SMG6: variants seen among roughly 807,000 people sequenced by gnomAD.
The protein encoded by SMG6 is telomerase-binding protein EST1A.
In SMG6, 66 loss-of-function variants were observed where a neutral mutation model predicts 142.2. That is an observed-to-expected ratio of 0.46 (90% CI 0.38 to 0.57). The LOEUF is 0.57. SMG6 is among the 20% of genes least tolerant of loss of function. SMG6 has a pLI of 0.00. For missense variants in SMG6, 1,793 were observed against 1,832.0 expected, an observed-to-expected ratio of 0.98 and a Z score of 0.39; for synonymous variants, 779 against 702.4, an observed-to-expected ratio of 1.11 and a Z score of -1.72.
chr17:2,226,805 G>A (rs1199011257), intron 10 of SMG6, among the ~76,000 whole-genome samples: 3 of 151,916 alleles, frequency 2.0e-5, no homozygotes, highest in East Asian at 3.9e-4. Flanking sequence ...GCTGAGGCAC[G>A]AGAATTGTTT....
At chr17:2,112,279 T>C (rs922888036) in intron 13 of SMG6, among the ~76,000 whole-genome samples, 8 of 147,694 alleles carry the variant, frequency 5.4e-5, no homozygotes, top group Admixed American at 2.0e-4. Context: ...CTGAGGCGGG[T>C]GGATCACGAG....
intron 13 of SMG6, among the ~76,000 whole-genome samples, chr17:2,171,356 A>AGTGT (rs10601842): frequency 0.026 from 3,932 of 149,462 alleles, 60 homozygotes; most frequent in Middle Eastern, 0.035. Flanking sequence ...AAAATGAAAG[A>AGTGT]GTGTGTGTGT....
Position 2,236,568 on chromosome 17 carries a change from G to A in SMG6, c.2793C>T (p.Pro931=), listed in dbSNP as rs200609536. ...GCATGCGGGTACTTCCAATGGGAGAGGGGCTGTGCTGCAGTAACACCTGGA... is the reference window on the plus strand; with the variant it reads ...GCATGCGGGTACTTCCAATGGGAGAAGGGCTGTGCTGCAGTAACACCTGGA... The part of the protein sequence containing the change: ...KEFQVLLQHS[P]SPIGSTRMLQ... Residue 931 remains proline (P), a synonymous_variant, in exon 10 of 19, where the codon CCC becomes CCT. Transcript: ENST00000263073. 1.2e-6 allele frequency: 2 copies of A among 1,613,746 alleles called. No homozygotes were observed. Among genetic ancestry groups the A allele is most frequent in the Non-Finnish European group, 8.5e-7 (1 of 1,179,888 alleles).
chr17:2,117,280 T>A, intron 13 of SMG6, among the ~76,000 whole-genome samples: 1 of 151,792 alleles, frequency 6.6e-6, no homozygotes, highest in East Asian at 1.9e-4. Flanking sequence ...CACCATTTCC[T>A]TTCAACTCAC....
At chr17:2,258,777 T>C (rs984448002) in intron 8 of SMG6, among the ~76,000 whole-genome samples, 8 of 139,964 alleles carry the variant, frequency 5.7e-5, no homozygotes, top group African/African-American at 2.2e-4. Flanking sequence ...CCAGCCTCAG[T>C]GACAGAGCAA....
rs61451940 is a variant in SMG6, at chr17:2,145,643, C to CAAAAAAAAA, written c.3357+27006_3357+27014dup. 5.5e-4 allele frequency among the ~76,000 whole-genome samples: 13 copies of CAAAAAAAAA among 23,772 alleles called. 1 individual carries two copies. Among genetic ancestry groups the CAAAAAAAAA allele is most frequent in the Admixed American group, 6.3e-4 (1 of 1,600 alleles). 15.6% of individuals were successfully genotyped at this position (23,772 alleles called of 152,430 possible). The stretch of plus-strand genomic sequence containing the variant: ...GTGACAGAGCAAGGCTCCATCTCCC[C>CAAAAAAAAA]AAAAAAAAAAAAAAAAAAAAAAAGC... On this transcript the variant is annotated intron_variant, in intron 13 of 18. Coordinates refer to ENST00000263073, the MANE Select transcript of SMG6 (RefSeq NM_017575.5).
At chr17:2,082,200 A>C in intron 14 of SMG6, 1 of 512,422 alleles carries the variant, frequency 2.0e-6, no homozygotes, top group Non-Finnish European at 3.5e-6. Context: ...GTTACACCAT[A>C]AGTCACTCGC....
chr17:2,183,727 C>A (rs1265148497), intron 12 of SMG6, among the ~76,000 whole-genome samples: 2 of 149,178 alleles, frequency 1.3e-5, no homozygotes, highest in South Asian at 2.1e-4. Context: ...TATGCTGATC[C>A]CTGATACAGG....
intron 10 of SMG6, among the ~76,000 whole-genome samples, chr17:2,195,089 A>G (rs1292380938): frequency 5.9e-5 from 9 of 152,188 alleles, no homozygotes; most frequent in Non-Finnish European, 1.0e-4. Context: ...AAGCCATTAG[A>G]TATTCGGCAC....
At chr17:2,230,500 T>C (rs1304699095) in intron 10 of SMG6, among the ~76,000 whole-genome samples, 2 of 152,054 alleles carry the variant, frequency 1.3e-5, no homozygotes, top group Admixed American at 6.6e-5. Flanking sequence ...TCAACTGATA[T>C]GATAAAAGGC....
At chr17:2,147,783 T>G (rs2070711958) in intron 13 of SMG6, among the ~76,000 whole-genome samples, 1 of 152,192 alleles carries the variant, frequency 6.6e-6, no homozygotes, top group Non-Finnish European at 1.5e-5. Flanking sequence ...GGATGGCTGT[T>G]ACTAAAAAAC....
rs1254375493 is a variant in SMG6 at position 2,071,733 on chromosome 17, C to A, written c.3682-2802G>T. Among the ~76,000 whole-genome samples, 1 of 87,006 alleles carries A rather than the reference C, an allele frequency of 1.1e-5. No homozygotes were observed. Among genetic ancestry groups the A allele is most frequent in the Non-Finnish European group, 2.3e-5 (1 of 43,588 alleles). The allele number at this position is 87,006 out of a possible 152,430, so 57.1% of individuals were successfully genotyped here. A position where few individuals can be genotyped will look rare whatever the true frequency, so the allele number is the denominator to read the frequency against. ...CTTTTCTCCTGGGGTACCGGTGGGC[C>A]TCTGGGCGGGGGGGGTCACACCTGG... On this transcript the variant is annotated intron_variant, in intron 15 of 18. Coordinates refer to ENST00000263073, the MANE Select transcript of SMG6 (RefSeq NM_017575.5). The surrounding 1 kb of genome is among the most constrained non-coding windows in gnomAD (Gnocchi z 5.6).
chr17:2,113,809 T>A (rs2063520995), intron 13 of SMG6, among the ~76,000 whole-genome samples: 1 of 152,108 alleles, frequency 6.6e-6, no homozygotes, highest in South Asian at 2.1e-4. Context: ...CACTAAATTA[T>A]CTCCTCCTGA....
intron 13 of SMG6, among the ~76,000 whole-genome samples, chr17:2,154,892 G>A (rs764026633): frequency 1.5e-4 from 23 of 151,980 alleles, no homozygotes; most frequent in Admixed American, 4.6e-4. Context: ...AAAAATTAGC[G>A]GGGTGTGGTA....
At chr17:2,152,307 T>G (rs899539854) in intron 13 of SMG6, among the ~76,000 whole-genome samples, 1 of 152,260 alleles carries the variant, frequency 6.6e-6, no homozygotes, top group African/African-American at 2.4e-5. Flanking sequence ...CACAACTTTC[T>G]GCTGACTAAG....
intron 13 of SMG6, among the ~76,000 whole-genome samples, chr17:2,109,270 CT>C (rs752516056): frequency 3.8e-4 from 56 of 147,286 alleles, no homozygotes; most frequent in Admixed American, 4.1e-4. Flanking sequence ...ATATGTCTCT[CT>C]TTTTTTTTTT....
intron 15 of SMG6, among the ~76,000 whole-genome samples, chr17:2,070,020 A>C (rs1174686156): frequency 6.6e-6 from 1 of 152,242 alleles, no homozygotes; most frequent in Non-Finnish European, 1.5e-5. Flanking sequence ...AACAAAAAGT[A>C]GACAAAAGAA....
chr17:2,168,682 G>A (rs2071412974), intron 13 of SMG6, among the ~76,000 whole-genome samples: 1 of 152,006 alleles, frequency 6.6e-6, no homozygotes, highest in South Asian at 2.1e-4. Context: ...CTTGAGCCTA[G>A]CCTGGGCAAG....
In SMG6 at chr17:2,299,515, G is replaced by T. The variant is rs201179202; in HGVS notation, c.1238C>A (p.Ala413Asp). Residue 413 changes from alanine to aspartate, a missense_variant, in exon 2 of 19, where the codon GCC becomes GAC. By Grantham distance (126) the Ala-to-Asp change is moderately radical. Transcript: ENST00000263073. The surrounding 1 kb of genome is among the most constrained non-coding windows in gnomAD (Gnocchi z 4.3). ...TGAATTGACAGATAGGGTGGTATGG[G>T]CAGGCAAAATCAGAATGCCACGACC... ...GRGRGILILP[A>D]HTTLSVNSAG... 1.1e-5 allele frequency: 17 copies of T among 1,614,158 alleles called. No individual in the cohort carries two copies. The highest frequency in any genetic ancestry group is 1.6e-4 in the Middle Eastern group (1 of 6,062).
Sources: allele counts gnomAD v4.1 joint callset (sites outside exome capture counted in the v4.1 genomes callset), GRCh38; gene constraint gnomAD v4.1.1; non-coding constraint Gnocchi (gnomAD v3.1); transcripts MANE v1.5; gene names NCBI Gene and HGNC (gene_info 2026-07-23, HGNC 2026-07-21).